CSMD3: variants seen among roughly 807,000 people sequenced by gnomAD.
CSMD3 encodes CUB and sushi domain-containing protein 3.
In CSMD3, 177 loss-of-function variants were observed where a neutral mutation model predicts 435.2. The observed-to-expected ratio is 0.41, with a 90% CI of 0.36 to 0.46. The LOEUF (loss-of-function observed/expected upper bound fraction) is 0.46. CSMD3 is among the 20% of genes least tolerant of loss of function. The pLI is 0.34. For synonymous variants in CSMD3, 1,656 were observed against 1,520.5 expected (o/e 1.09, Z -2.07); for missense variants, 4,265 against 4,504.6 (o/e 0.95, Z 1.52).
chr8:112,903,151 C>CAAAAAAAAAAAAAAAAAA (rs763330055), intron 10 of CSMD3, among the ~76,000 whole-genome samples: 1 of 53,780 alleles, frequency 1.9e-5, no homozygotes, highest in Non-Finnish European at 3.5e-5. Context: ...GCAGTCTTGG[C>CAAAAAAAAAAAAAAAAAA]AAAAAAAAAA....
intron 6 of CSMD3, among the ~76,000 whole-genome samples, chr8:113,010,578 G>T (rs1012087977): frequency 2.0e-5 from 3 of 151,500 alleles, no homozygotes; most frequent in African/African-American, 7.3e-5. Flanking sequence ...ATTGTAGTTG[G>T]TACATTTAAA....
chr8:113,056,134 C>T (rs760645604), intron 5 of CSMD3, among the ~76,000 whole-genome samples: 5 of 152,082 alleles, frequency 3.3e-5, no homozygotes, highest in Non-Finnish European at 7.4e-5. Flanking sequence ...GGATGCACCC[C>T]CACTCTGATG....
At chr8:113,186,403 G>T (rs189449405) in intron 3 of CSMD3, among the ~76,000 whole-genome samples, 2 of 152,058 alleles carry the variant, frequency 1.3e-5, no homozygotes, top group Admixed American at 1.3e-4. Context: ...CTTTTACCTT[G>T]TTTAGTCAAA....
At position 112,511,959 on chromosome 8, in the gene CSMD3, C is replaced by T. The variant is rs1264963164; in HGVS notation, c.4756+5075G>A. Among the ~76,000 whole-genome samples the T allele has an allele frequency of 2.0e-5, 3 of 152,252 alleles. No homozygotes were observed. In the East Asian group the frequency reaches 5.8e-4, roughly 29 times the overall value. On this transcript the variant is annotated intron_variant, in intron 28 of 70. Coordinates refer to ENST00000297405, the MANE Select transcript of CSMD3 (RefSeq NM_198123.2). Reference sequence around the variant, plus strand: ...CATCCATAAGAAGCAACTCCTCATTCGTTCAAGTTTTATCATGAGATTGTA... The same window carrying T: ...CATCCATAAGAAGCAACTCCTCATTTGTTCAAGTTTTATCATGAGATTGTA...
chr8:113,136,326 G>C (rs545034919), intron 4 of CSMD3, among the ~76,000 whole-genome samples: 1 of 151,884 alleles, frequency 6.6e-6, no homozygotes, highest in Admixed American at 6.6e-5. Context: ...CTAATGAAGA[G>C]AATTTTTAGC....
chr8:112,685,803 T>C (rs1586966054), intron 14 of CSMD3, 71 bp from the exon 15 acceptor site: 2 of 976,804 alleles, frequency 2.0e-6, no homozygotes, highest in East Asian at 2.6e-5. Flanking sequence ...TTTGTCATAT[T>C]CTACAATTAT....
At chr8:112,738,790 AAAGC>A (rs1458549593) in intron 13 of CSMD3, among the ~76,000 whole-genome samples, 1 of 151,704 alleles carries the variant, frequency 6.6e-6, no homozygotes, top group African/African-American at 2.4e-5. Context: ...TCTAAAATAA[AAAGC>A]AATAACTTTA....
Position 112,950,787 on chromosome 8 carries a change from C to T in CSMD3, c.1421-2910G>A, listed in dbSNP as rs77339238. Among the ~76,000 whole-genome samples the T allele has an allele frequency of 2.8e-4, 42 of 151,970 alleles. No homozygotes were observed. In the East Asian group the frequency reaches 6.0e-3, roughly 22 times the overall value. ...GATTTGAGAAATTCTACTATTAACC[C>T]GGAGCTCTATAGCTGTTCAGAAAGC... is the stretch of plus-strand genomic sequence containing the variant. On this transcript the variant is annotated intron_variant, in intron 8 of 70. Coordinates refer to ENST00000297405, the MANE Select transcript of CSMD3 (RefSeq NM_198123.2).
At chr8:112,596,416 G>A (rs1831725059) in intron 22 of CSMD3, among the ~76,000 whole-genome samples, 1 of 151,948 alleles carries the variant, frequency 6.6e-6, no homozygotes, top group African/African-American at 2.4e-5. Context: ...CATTAATAAT[G>A]GGAGACTTTA....
chr8:112,545,105 GCAGTCTTACGTAT>G (rs1008408408), intron 27 of CSMD3, among the ~76,000 whole-genome samples: 2 of 151,980 alleles, frequency 1.3e-5, no homozygotes, highest in African/African-American at 4.8e-5. Flanking sequence ...TCATGGCCTG[GCAGTCTTACGTAT>G]CATTCAAACC....
At chr8:112,534,587 A>T (rs1309092642) in intron 27 of CSMD3, among the ~76,000 whole-genome samples, 1 of 152,184 alleles carries the variant, frequency 6.6e-6, no homozygotes, top group African/African-American at 2.4e-5. Context: ...TCACAGCTAA[A>T]TTCTACCAGA....
intron 4 of CSMD3, among the ~76,000 whole-genome samples, chr8:113,145,126 A>G (rs1021493988): frequency 1.3e-4 from 19 of 151,596 alleles, no homozygotes; most frequent in Admixed American, 3.3e-4. Context: ...ATCCCAAAGG[A>G]AAGGGTGGGG....
chr8:112,258,356 G>A (rs1816010514), intron 61 of CSMD3, among the ~76,000 whole-genome samples: 1 of 152,130 alleles, frequency 6.6e-6, no homozygotes. Context: ...CTAGAGAATG[G>A]GAGAAAATTT....
chr8:113,315,556 C>A (rs2093902772), intron 1 of CSMD3, among the ~76,000 whole-genome samples: 1 of 150,122 alleles, frequency 6.7e-6, no homozygotes, highest in Non-Finnish European at 1.5e-5. Context: ...TATATTTCTT[C>A]AGCAATTTGT....
intron 16 of CSMD3, 23 bp downstream of exon 16, chr8:112,682,419 T>A: frequency 6.3e-7 from 1 of 1,579,238 alleles, no homozygotes; most frequent in South Asian, 1.1e-5. Context: ...GAGGTTCTAT[T>A]TCTCACTCAC....
chr8:113,129,216 A>T (rs2091220981), intron 4 of CSMD3, among the ~76,000 whole-genome samples: 1 of 152,144 alleles, frequency 6.6e-6, no homozygotes, highest in Non-Finnish European at 1.5e-5. Flanking sequence ...AAATTCAGTG[A>T]CTGCAGCTCA....
intron 6 of CSMD3, among the ~76,000 whole-genome samples, chr8:112,984,988 A>G (rs2085198776): frequency 7.4e-6 from 1 of 134,996 alleles, no homozygotes; most frequent in Admixed American, 7.9e-5. Flanking sequence ...GATACATGAT[A>G]GATTATGATA....
intron 6 of CSMD3, among the ~76,000 whole-genome samples, chr8:112,989,102 T>C (rs965426564): frequency 1.3e-5 from 2 of 152,016 alleles, no homozygotes; most frequent in African/African-American, 4.8e-5. Context: ...GTACAGACAC[T>C]GTGTTTCCTA....
intron 9 of CSMD3, among the ~76,000 whole-genome samples, chr8:112,930,546 A>G (rs2083072275): frequency 6.6e-6 from 1 of 152,084 alleles, no homozygotes; most frequent in African/African-American, 2.4e-5. Flanking sequence ...TGTGATGCAC[A>G]ATGTTATAAA....
Sources: gnomAD v4.1 joint callset for allele counts (sites outside exome capture counted in the v4.1 genomes callset) on GRCh38, gnomAD v4.1.1 for gene constraint, MANE v1.5 for transcripts, NCBI Gene and HGNC (gene_info 2026-07-23, HGNC 2026-07-21) for gene names.